Variants in HCCS observed in about 807,000 individuals in gnomAD.
HCCS encodes the protein holocytochrome c synthase, also known as holocytochrome c-type synthase.
Under a neutral mutation model 24.2 loss-of-function variants are expected in HCCS, and 2 were observed. The observed-to-expected ratio is 0.08, with a 90% CI of 0.03 to 0.26. The LOEUF is 0.26. Ranked by LOEUF, HCCS falls within the 10% of genes least tolerant of loss-of-function variation. The probability of loss-of-function intolerance (pLI) is 1.00; values close to 1 mark genes in which losing one functional copy is unlikely to be tolerated. For synonymous variants in HCCS, 73 were observed against 76.2 expected, an observed-to-expected ratio of 0.96 and a Z score of 0.22; for missense variants, 150 against 213.3, an observed-to-expected ratio of 0.70 and a Z score of 1.85.
Position 11,118,527 on chromosome X carries a change from G to A in HCCS, c.428G>A (p.Ser143Asn). ...TGGAAGTGGAAGGATGAGGATATCA[G>A]TCAGAAGGATATGTATAATATCATT... ...KGWKWKDEDI[S>N]QKDMYNIIRI... The change falls in exon 5 of 7, where the codon AGT (serine) becomes AAT (asparagine). Residue 143 changes from serine to asparagine, a missense_variant. By Grantham distance (46) the Ser-to-Asn change is conservative. This residue lies in a region of HCCS where 55 missense variants were observed against 134.2 expected (regional missense o/e 0.41). Transcript: ENST00000380762. The A allele has an allele frequency of 1.7e-6, 2 of 1,188,519 alleles. No individual in the cohort carries two copies. The highest frequency in any genetic ancestry group is 2.3e-6 in the Non-Finnish European group (2 of 874,275).
chrX:11,122,068 A>G lies in HCCS; in HGVS notation c.*258A>G, dbSNP rs2045496544. ...GTCTCTCAGTTTTTCCTTTACCTGC[A>G]GTATTGTCTGTATATTTCATCTCGA... On this transcript the variant is annotated 3_prime_UTR_variant, in exon 7 of 7. Transcript: ENST00000380762. 3 of 357,345 alleles carry G rather than the reference A, an allele frequency of 8.4e-6. No individual in the cohort carries two copies. The East Asian group carries it at 1.4e-4, about 17-fold the overall frequency. The allele number at this position is 357,345 out of a possible 1,213,427, so 29.4% of individuals were successfully genotyped here. A position where few individuals can be genotyped will look rare whatever the true frequency, so the allele number is the denominator to read the frequency against.
At chrX:11,118,404 G>T (rs1290597100) in intron 4 of HCCS, 97 bp from the exon 5 acceptor site, 1 of 796,622 alleles carries the variant, frequency 1.3e-6, no homozygotes, top group Admixed American at 2.2e-5. Flanking sequence ...CTTTCTCAAA[G>T]GGGAATGTTG....
intron 3 of HCCS, among the ~76,000 whole-genome samples, chrX:11,116,728 A>G (rs1208435570): frequency 8.9e-6 from 1 of 112,492 alleles, no homozygotes; most frequent in Non-Finnish European, 1.9e-5. Flanking sequence ...TTGGTGACCC[A>G]CATGTCTGGG....
At chrX:11,120,056 A>G (rs2045479321) in intron 5 of HCCS, 1 of 320,834 alleles carries the variant, frequency 3.1e-6, no homozygotes, top group African/African-American at 2.7e-5. Flanking sequence ...CTAAAAGGAG[A>G]AGAAAAGTAA....
rs2045500988 is a variant in HCCS at position 11,122,622 on chromosome X, C to T, written c.*812C>T. On this transcript the variant is annotated 3_prime_UTR_variant, in exon 7 of 7. Transcript: ENST00000380762. ...CCTTCCCCACATCAGTCGGCCTAAT[C>T]CAAACCTTGAAAGCCTGGCTTAAGT... is the stretch of plus-strand genomic sequence containing the variant. 1 of 112,385 alleles carries T rather than the reference C, an allele frequency of 8.9e-6. No homozygotes were observed. Among genetic ancestry groups the T allele is most frequent in the Admixed American group, 9.5e-5 (1 of 10,525 alleles). 9.3% of individuals were successfully genotyped at this position (112,385 alleles called of 1,213,427 possible).
intron 5 of HCCS, 113 bp downstream of exon 5, chrX:11,118,733 C>T: frequency 1.2e-6 from 1 of 818,102 alleles, no homozygotes; most frequent in Non-Finnish European, 1.8e-6. Context: ...ATGTAGCAGG[C>T]ATGGCTCAGT....
intron 5 of HCCS, among the ~76,000 whole-genome samples, chrX:11,120,520 G>A (rs2045483737): frequency 8.9e-6 from 1 of 111,813 alleles, no homozygotes; most frequent in African/African-American, 3.3e-5. Context: ...GAAGAGTATA[G>A]GATTTTCTTG....
rs772275267 is a variant in HCCS, at chrX:11,120,937, G to A, written c.552G>A (p.Arg184=). 9.9e-6 allele frequency: 12 copies of A among 1,208,236 alleles called. No homozygotes were observed. The African/African-American group carries it at 1.2e-4, about 12-fold the overall frequency. ...AECPCGPSLI[R]FGGKAKEYSP... ...GTCCTTGTGGTCCATCATTGATCCG[G>A]TTTGGAGGGAAAGCAAAAGAGTATT... is the stretch of plus-strand genomic sequence containing the variant. Residue 184 remains arginine, a synonymous_variant, in exon 6 of 7, where the codon CGG becomes CGA. Coordinates refer to ENST00000380762, the MANE Select transcript of HCCS (RefSeq NM_005333.5).
At chrX:11,115,994 T>G (rs1286125254) in intron 3 of HCCS, 1 of 112,025 alleles carries the variant, frequency 8.9e-6, no homozygotes, top group African/African-American at 3.3e-5. Flanking sequence ...TTTTGGAACC[T>G]TACAGACCTA....
chrX:11,120,793 T>C (rs1369864276), intron 5 of HCCS, 114 bp from the exon 6 acceptor site: 4 of 606,087 alleles, frequency 6.6e-6, no homozygotes, highest in East Asian at 6.5e-5. Flanking sequence ...GTAAATGTTA[T>C]ATTATGTGAA....
At chrX:11,113,276 A>G (rs2045425839) in intron 2 of HCCS, among the ~76,000 whole-genome samples, 1 of 112,318 alleles carries the variant, frequency 8.9e-6, no homozygotes, top group South Asian at 3.7e-4. Context: ...CCCATTCTGT[A>G]CCAAGCATTG....
In HCCS at chrX:11,121,561, A is replaced by T. The variant is rs1602706807; in HGVS notation, c.609-51A>T. The T allele has an allele frequency of 2.9e-6, 3 of 1,036,209 alleles. No individual in the cohort carries two copies. The Admixed American group carries it at 6.6e-5, about 23-fold the overall frequency. The allele number at this position is 1,036,209 out of a possible 1,213,427, so 85.4% of individuals were successfully genotyped here. ...GAGTTTTCTCATGGCTTAAACCGGGACTGAATGTATTGCAAGCATTTTAAC... is the reference window on the plus strand; with the variant it reads ...GAGTTTTCTCATGGCTTAAACCGGGTCTGAATGTATTGCAAGCATTTTAAC... On this transcript the variant is annotated intron_variant, in intron 6 of 6. Transcript: ENST00000380762.
intron 5 of HCCS, chrX:11,120,162 A>G (rs1174738823): frequency 4.6e-6 from 1 of 219,536 alleles, no homozygotes; most frequent in Non-Finnish European, 8.5e-6. Context: ...GGAGCAGCTA[A>G]CAATATAGGT....
At chrX:11,115,043 A>C in intron 3 of HCCS, 57 bp downstream of exon 3, 1 of 1,016,373 alleles carries the variant, frequency 9.8e-7, no homozygotes, top group Non-Finnish European at 1.4e-6. Flanking sequence ...GCTTATACAG[A>C]CTCCCAAGAC....
chrX:11,111,497 TG>T lies in HCCS; in HGVS notation c.-60del, dbSNP rs759736380. On this transcript the variant is annotated 5_prime_UTR_variant, in exon 1 of 7. Transcript: ENST00000380762. Reference sequence around the variant, plus strand: ...CAGGCTGGCCGCGGCCGGTTTGGTCTGGGGACCACGGGCTGGAGCAGGTGGG... The same window carrying T: ...CAGGCTGGCCGCGGCCGGTTTGGTCTGGGACCACGGGCTGGAGCAGGTGGG... The T allele has an allele frequency of 5.7e-5, 8 of 140,159 alleles. No homozygotes were observed. The Admixed American group carries it at 6.5e-4, about 11-fold the overall frequency. 11.6% of individuals were successfully genotyped at this position (140,159 alleles called of 1,213,427 possible). A position where few individuals can be genotyped will look rare whatever the true frequency, so the allele number is the denominator to read the frequency against.
intron 3 of HCCS, among the ~76,000 whole-genome samples, chrX:11,117,046 C>T (rs1225131555): frequency 8.9e-6 from 1 of 112,200 alleles, no homozygotes; most frequent in Non-Finnish European, 1.9e-5. Context: ...AATTTAACCA[C>T]AGTGTTTACC....
At position 11,121,000 on chromosome X, in the gene HCCS, G is replaced by GCCTTTTGATAGGCACGATTGGA; in HGVS notation, c.608+7_608+8insCCTTTTGATAGGCACGATTGGA. 8.5e-7 allele frequency: 1 copy of GCCTTTTGATAGGCACGATTGGA among 1,180,517 alleles called. No homozygotes were observed. The highest frequency in any genetic ancestry group is 1.7e-5 in the African/African-American group (1 of 57,269). ...GAATTCGTTCCTGGATGGGGTGAGTGTCAGCGCAGAAGTGTTGTTTCACCA... is the reference window on the plus strand; with the variant it reads ...GAATTCGTTCCTGGATGGGGTGAGTGCCTTTTGATAGGCACGATTGGATCAGCGCAGAAGTGTTGTTTCACCA... On this transcript the variant is annotated splice_region_variant and intron_variant, in intron 6 of 6. Coordinates refer to ENST00000380762, the MANE Select transcript of HCCS (RefSeq NM_005333.5).
chrX:11,121,532 T>G, intron 6 of HCCS, 80 bp from the exon 7 acceptor site: 1 of 835,106 alleles, frequency 1.2e-6, no homozygotes, highest in Non-Finnish European at 1.8e-6. Flanking sequence ...TGCATGTGCT[T>G]CTTGAGTTTT....
rs1365145914 is a variant in HCCS, at chrX:11,118,530, A to G, written c.431A>G (p.Gln144Arg). ...AAGTGGAAGGATGAGGATATCAGTC[A>G]GAAGGATATGTATAATATCATTAGA... Reference protein sequence around the residue: ...GWKWKDEDISQKDMYNIIRIH... With the variant: ...GWKWKDEDISRKDMYNIIRIH... The change falls in exon 5 of 7, where the codon CAG (glutamine) becomes CGG (arginine). Residue 144 changes from glutamine to arginine, a missense_variant. Gln to Arg is a conservative substitution (Grantham distance 43). Around this residue, in one of 2 missense-constraint regions of HCCS, gnomAD observed 55 missense variants for 134.2 expected, o/e 0.41. Coordinates refer to ENST00000380762, the MANE Select transcript of HCCS (RefSeq NM_005333.5). The G allele has an allele frequency of 1.7e-6, 2 of 1,185,233 alleles. No individual in the cohort carries two copies. The highest frequency in any genetic ancestry group is 1.8e-5 in the South Asian group (1 of 56,288).
Sources: allele counts gnomAD v4.1 joint callset (sites outside exome capture counted in the v4.1 genomes callset), GRCh38; gene constraint gnomAD v4.1.1; regional missense constraint gnomAD v4.1.1; transcripts MANE v1.5; gene names NCBI Gene and HGNC (gene_info 2026-07-23, HGNC 2026-07-21).